The following NRXN3 variants were observed in gnomAD, a reference collection of about 807,000 sequenced individuals.
NRXN3 encodes neurexin 3.
Under a neutral mutation model 137.6 loss-of-function variants are expected in NRXN3, and 32 were observed. The observed-to-expected ratio is 0.23, with a 90% CI of 0.18 to 0.31. The LOEUF is 0.31. Ranked by LOEUF, NRXN3 falls within the 10% of genes least tolerant of loss-of-function variation. NRXN3 has a pLI of 1.00. For missense variants in NRXN3, 1,574 were observed against 2,062.5 expected (o/e 0.76, Z 4.59); for synonymous variants, 798 against 784.5 (o/e 1.02, Z -0.29).
At chr14:79,191,064 G>T (rs1352593964) in intron 15 of NRXN3, among the ~76,000 whole-genome samples, 2 of 152,148 alleles carry the variant, frequency 1.3e-5, no homozygotes, top group Non-Finnish European at 2.9e-5. Context: ...TTAACGGAAA[G>T]CCCCCCAGGA....
At chr14:79,199,556 A>T (rs1192692868) in intron 15 of NRXN3, among the ~76,000 whole-genome samples, 1 of 152,258 alleles carries the variant, frequency 6.6e-6, no homozygotes, top group African/African-American at 2.4e-5. Flanking sequence ...TGAAAGTCGA[A>T]AAAAGTTATA....
chr14:79,635,418 A>G (rs2098396208), intron 16 of NRXN3, among the ~76,000 whole-genome samples: 1 of 152,230 alleles, frequency 6.6e-6, no homozygotes, highest in Admixed American at 6.5e-5. Context: ...CAGGAATGGA[A>G]AGTGGGAATG....
chr14:79,150,688 C>A (rs2059718491), intron 15 of NRXN3, among the ~76,000 whole-genome samples: 2 of 139,538 alleles, frequency 1.4e-5, no homozygotes, highest in African/African-American at 5.4e-5. Flanking sequence ...CTGCAGATAC[C>A]ATTAACCCAA....
intron 8 of NRXN3, among the ~76,000 whole-genome samples, chr14:78,798,987 GGGGCA>G (rs1248111310): frequency 6.6e-6 from 1 of 152,198 alleles, no homozygotes; most frequent in Admixed American, 6.5e-5. Flanking sequence ...CCTAGCTTCT[GGGGCA>G]CCTGCAGTTG....
chr14:79,487,602 G>A (rs2096669463), intron 16 of NRXN3, among the ~76,000 whole-genome samples: 1 of 151,038 alleles, frequency 6.6e-6, no homozygotes, highest in African/African-American at 2.5e-5. Context: ...CTCTTTGCAT[G>A]GGGGATCTAT....
chr14:79,314,652 C>T (rs1368916649), intron 15 of NRXN3, among the ~76,000 whole-genome samples: 1 of 130,282 alleles, frequency 7.7e-6, no homozygotes, highest in African/African-American at 3.0e-5. Context: ...CCTCTGCAGA[C>T]TTAAGTGTCC....
At chr14:78,829,264 C>A (rs1441390049) in intron 10 of NRXN3, among the ~76,000 whole-genome samples, 3 of 152,178 alleles carry the variant, frequency 2.0e-5, no homozygotes, top group Admixed American at 2.0e-4. Flanking sequence ...GGCAAATTCG[C>A]AGGTTATCTG....
chr14:78,525,386 C>A (rs1362155963), intron 4 of NRXN3, among the ~76,000 whole-genome samples: 1 of 152,156 alleles, frequency 6.6e-6, no homozygotes, highest in Non-Finnish European at 1.5e-5. Context: ...GTGATGAGAA[C>A]ATTTGTCAGT....
chr14:79,410,398 G>T (rs1384576303), intron 15 of NRXN3, among the ~76,000 whole-genome samples: 1 of 151,272 alleles, frequency 6.6e-6, no homozygotes, highest in Non-Finnish European at 1.5e-5. Context: ...CTTCTTTCGT[G>T]TGTTCGTTTA....
At chr14:79,320,133 T>C (rs540746339) in intron 15 of NRXN3, among the ~76,000 whole-genome samples, 1 of 152,328 alleles carries the variant, frequency 6.6e-6, no homozygotes, top group South Asian at 2.1e-4. Flanking sequence ...ACACACAGGA[T>C]TGTGGTTTTG....
intron 4 of NRXN3, among the ~76,000 whole-genome samples, chr14:78,515,959 T>C (rs1005407612): frequency 6.6e-6 from 1 of 152,098 alleles, no homozygotes; most frequent in African/African-American, 2.4e-5. Context: ...AGTTTCCTCA[T>C]CTTTCAAATG....
intron 17 of NRXN3, among the ~76,000 whole-genome samples, chr14:79,688,557 TA>T (rs1053234651): frequency 2.0e-5 from 3 of 152,192 alleles, no homozygotes; most frequent in Non-Finnish European, 4.4e-5. Context: ...AGTCTCACCT[TA>T]AAGAGGAATT....
At position 78,272,223 on chromosome 14, in the gene NRXN3, A is replaced by G. The variant is rs1020558967; in HGVS notation, c.710-6422A>G. ...CCCTTCTCTCTTTGCTAGCACCAGG[A>G]AGGCCCTCATGCACGTTTATGTGAC... On this transcript the variant is annotated intron_variant, in intron 2 of 20. Coordinates refer to ENST00000335750, the MANE Select transcript of NRXN3 (RefSeq NM_001330195.2). Among the ~76,000 whole-genome samples the G allele has an allele frequency of 7.2e-5, 11 of 152,240 alleles. No homozygotes were observed. In the South Asian group the frequency reaches 1.9e-3, roughly 26 times the overall value.
intron 10 of NRXN3, among the ~76,000 whole-genome samples, chr14:78,922,860 A>G (rs542173372): frequency 3.9e-5 from 6 of 152,324 alleles, no homozygotes; most frequent in Admixed American, 3.3e-4. Flanking sequence ...AGACCCCAAA[A>G]TAAAATTAAA....
intron 15 of NRXN3, among the ~76,000 whole-genome samples, chr14:79,464,149 G>A (rs771396989): frequency 2.0e-4 from 31 of 152,164 alleles, no homozygotes; most frequent in Non-Finnish European, 4.0e-4. Context: ...CACAGTATTG[G>A]ACTATGGGAG....
intron 15 of NRXN3, among the ~76,000 whole-genome samples, chr14:79,434,546 T>G (rs2095813237): frequency 6.6e-6 from 1 of 152,126 alleles, no homozygotes; most frequent in African/African-American, 2.4e-5. Context: ...TAACAAAAAC[T>G]CATGTCAGTG....
At chr14:79,805,059 C>A in intron 19 of NRXN3, 53 bp from the exon 20 acceptor site, 1 of 1,247,060 alleles carries the variant, frequency 8.0e-7, no homozygotes, top group East Asian at 2.3e-5. Flanking sequence ...TTCCTTATCT[C>A]TCTCTCTTCT....
At chr14:78,531,948 T>C (rs1443594087) in intron 4 of NRXN3, among the ~76,000 whole-genome samples, 1 of 152,106 alleles carries the variant, frequency 6.6e-6, no homozygotes, top group African/African-American at 2.4e-5. Flanking sequence ...CTCCAAAATA[T>C]CACCAGTTTT....
At chr14:78,277,273 G>A (rs568393921) in intron 2 of NRXN3, among the ~76,000 whole-genome samples, 1 of 152,270 alleles carries the variant, frequency 6.6e-6, no homozygotes, top group East Asian at 1.9e-4. Context: ...TCCTGTTCAG[G>A]CAGCAAATTA....
Sources: allele counts gnomAD v4.1 joint callset (sites outside exome capture counted in the v4.1 genomes callset), GRCh38; gene constraint gnomAD v4.1.1; transcripts MANE v1.5; gene names NCBI Gene and HGNC (gene_info 2026-07-23, HGNC 2026-07-21).